Variants in CNBD1 observed in about 807,000 individuals in gnomAD.
CNBD1 encodes cyclic nucleotide-binding domain-containing protein 1.
CNBD1 carries 71 observed loss-of-function variants against 54.4 expected under a neutral mutation model. That is an observed-to-expected ratio of 1.30 (90% CI 1.08 to 1.59). The LOEUF is 1.59. Ranked by LOEUF, CNBD1 falls within the 40% of genes most tolerant of loss-of-function variation. The probability of loss-of-function intolerance (pLI) is 0.00; values close to 1 mark genes in which losing one functional copy is unlikely to be tolerated. For missense variants in CNBD1, 659 were observed against 518.0 expected, an observed-to-expected ratio of 1.27 and a Z score of -2.64; for synonymous variants, 182 against 170.7, an observed-to-expected ratio of 1.07 and a Z score of -0.51.
chr8:86,875,599 T>C (rs1483376861), intron 1 of CNBD1, among the ~76,000 whole-genome samples: 1 of 152,202 alleles, frequency 6.6e-6, no homozygotes, highest in Non-Finnish European at 1.5e-5. Context: ...GCATTTCTTT[T>C]ATTAAATTGT....
chr8:87,258,748 T>G (rs1808071289), intron 6 of CNBD1, among the ~76,000 whole-genome samples: 1 of 152,182 alleles, frequency 6.6e-6, no homozygotes, highest in Non-Finnish European at 1.5e-5. Flanking sequence ...AAGGTGAGAT[T>G]TTTATAAACC....
intron 4 of CNBD1, among the ~76,000 whole-genome samples, chr8:87,019,291 C>G (rs1250021921): frequency 6.6e-6 from 1 of 152,160 alleles, no homozygotes; most frequent in Non-Finnish European, 1.5e-5. Flanking sequence ...CCATTTTTAT[C>G]TGGCCTAAAA....
chr8:86,909,785 T>TA (rs1809073979), intron 3 of CNBD1, among the ~76,000 whole-genome samples: 1 of 152,234 alleles, frequency 6.6e-6, no homozygotes, highest in Non-Finnish European at 1.5e-5. Context: ...ATGATGCTTG[T>TA]AGTTTAAATA....
intron 2 of CNBD1, among the ~76,000 whole-genome samples, chr8:87,404,057 G>A (rs1244437270): frequency 6.6e-6 from 1 of 152,056 alleles, no homozygotes; most frequent in African/African-American, 2.4e-5. Context: ...TCCTGTTGAG[G>A]AATCCAGCAG....
chr8:87,208,048 G>A (rs1347939975), intron 5 of CNBD1, among the ~76,000 whole-genome samples: 7 of 152,100 alleles, frequency 4.6e-5, no homozygotes, highest in Admixed American at 4.6e-4. Flanking sequence ...CTTTATTCAT[G>A]TATGTGTTTC....
chr8:87,305,935 C>A (rs1809132016), intron 8 of CNBD1, among the ~76,000 whole-genome samples: 3 of 152,098 alleles, frequency 2.0e-5, no homozygotes, highest in Admixed American at 6.6e-5. Flanking sequence ...AGCATTTGCA[C>A]AGCAAAAGGA....
rs556191364 is a variant in CNBD1 at position 87,274,233 on chromosome 8, G to A, written c.772-10445G>A. Among the ~76,000 whole-genome samples, 164 of 150,638 alleles carry A rather than the reference G, an allele frequency of 1.1e-3. 1 individual carries two copies. Among genetic ancestry groups the A allele is most frequent in the African/African-American group, 3.6e-3 (147 of 40,642 alleles). ...GTGAATGGTGCCGCAATAAACATAC[G>A]TGTGCATGTGTCTTTATAGCAGCAT... On this transcript the variant is annotated intron_variant, in intron 6 of 10. Coordinates refer to ENST00000518476, the MANE Select transcript of CNBD1 (RefSeq NM_173538.3).
intron 4 of CNBD1, among the ~76,000 whole-genome samples, chr8:87,051,790 T>A (rs944653603): frequency 6.6e-6 from 1 of 152,232 alleles, no homozygotes; most frequent in Non-Finnish European, 1.5e-5. Flanking sequence ...AGCATGGGCA[T>A]CATGGCCATC....
chr8:87,230,620 A>C (rs1814663960), intron 5 of CNBD1, among the ~76,000 whole-genome samples: 3 of 152,180 alleles, frequency 2.0e-5, no homozygotes, highest in Admixed American at 1.3e-4. Context: ...TGCAATATGC[A>C]GTAACAATGT....
chr8:87,130,959 A>G (rs1812106215), intron 4 of CNBD1, among the ~76,000 whole-genome samples: 2 of 151,892 alleles, frequency 1.3e-5, no homozygotes, highest in Admixed American at 1.3e-4. Context: ...TCATTATGAA[A>G]TGTTCTTCCT....
Position 86,866,417 on chromosome 8 carries a change from T to G in CNBD1, c.-79T>G, listed in dbSNP as rs180993804. 7 of 992,454 alleles carry G rather than the reference T, an allele frequency of 7.1e-6. No individual in the cohort carries two copies. Among genetic ancestry groups the G allele is most frequent in the Non-Finnish European group, 1.1e-5 (7 of 641,022 alleles). The allele number at this position is 992,454 out of a possible 1,614,324, so 61.5% of individuals were successfully genotyped here. A position where few individuals can be genotyped will look rare whatever the true frequency, so the allele number is the denominator to read the frequency against. ...ATCAGAGAGGACCTTGAAGTTCTGC[T>G]TTATGAGCCTGCAGGCAAAGAGTGA... is the stretch of plus-strand genomic sequence containing the variant. On this transcript the variant is annotated 5_prime_UTR_variant, in exon 1 of 11. Transcript: ENST00000518476.
downstream of CNBD1, among the ~76,000 whole-genome samples, chr8:87,385,135 G>T (rs1174394374): frequency 6.6e-6 from 1 of 152,018 alleles, no homozygotes; most frequent in Non-Finnish European, 1.5e-5. Flanking sequence ...GATAATGATG[G>T]GGGTGGAGCC....
chr8:86,891,030 A>G (rs1808760888), intron 2 of CNBD1, among the ~76,000 whole-genome samples: 1 of 151,486 alleles, frequency 6.6e-6, no homozygotes, highest in Non-Finnish European at 1.5e-5. Context: ...ATTTTCTCTC[A>G]TTCTGTAGGT....
chr8:87,040,026 T>C (rs1247558836), intron 4 of CNBD1, among the ~76,000 whole-genome samples: 1 of 152,166 alleles, frequency 6.6e-6, no homozygotes, highest in Non-Finnish European at 1.5e-5. Context: ...TCTCAAACAC[T>C]GATCTTTGGT....
chr8:86,992,837 C>T (rs1457803929), intron 4 of CNBD1, among the ~76,000 whole-genome samples: 1 of 152,066 alleles, frequency 6.6e-6, no homozygotes, highest in African/African-American at 2.4e-5. Flanking sequence ...TGATTGGGTC[C>T]CCTTCGTATG....
intron 4 of CNBD1, among the ~76,000 whole-genome samples, chr8:86,957,686 C>T (rs983859627): frequency 4.6e-5 from 7 of 152,128 alleles, no homozygotes; most frequent in African/African-American, 1.7e-4. Flanking sequence ...TCCCCTTTAT[C>T]ATTTTTTATT....
intron 8 of CNBD1, among the ~76,000 whole-genome samples, chr8:87,342,665 A>C (rs906393492): frequency 7.9e-5 from 12 of 152,044 alleles, no homozygotes; most frequent in Admixed American, 1.3e-4. Flanking sequence ...GCCATCACAT[A>C]TTGGTAGGGC....
intron 4 of CNBD1, among the ~76,000 whole-genome samples, chr8:87,022,320 G>A (rs1323620035): frequency 6.6e-6 from 1 of 152,172 alleles, no homozygotes; most frequent in African/African-American, 2.4e-5. Context: ...GTGCCACTGG[G>A]TTTTTTGTGG....
chr8:87,412,386 C>T (rs1807760916), intron 2 of CNBD1, among the ~76,000 whole-genome samples: 1 of 151,986 alleles, frequency 6.6e-6, no homozygotes, highest in South Asian at 2.1e-4. Flanking sequence ...TCTGGTTACT[C>T]GATATGACCA....
Sources: allele counts gnomAD v4.1 joint callset (sites outside exome capture counted in the v4.1 genomes callset), GRCh38; gene constraint gnomAD v4.1.1; transcripts MANE v1.5; gene names NCBI Gene and HGNC (gene_info 2026-07-23, HGNC 2026-07-21).